MAGT1: variants seen among roughly 807,000 people sequenced by gnomAD.
MAGT1 encodes dolichyl-diphosphooligosaccharide--protein glycosyltransferase subunit MAGT1.
A neutral mutation model predicts 28.4 loss-of-function variants in MAGT1; 4 were observed. That is an observed-to-expected ratio of 0.14 (90% CI 0.07 to 0.32). The LOEUF (loss-of-function observed/expected upper bound fraction) is 0.32. Among genes scored for constraint, MAGT1 ranks in the 10% least tolerant of loss-of-function variants. The pLI, the probability that MAGT1 is intolerant of heterozygous loss-of-function variation, is 1.00. For missense variants in MAGT1, 193 were observed against 264.5 expected (o/e 0.73, Z 1.88); for synonymous variants, 89 against 89.7 (o/e 0.99, Z 0.04).
intron 6 of MAGT1, 55 bp from the exon 7 acceptor site, chrX:77,854,019 T>C: frequency 1.1e-6 from 1 of 911,068 alleles, no homozygotes; most frequent in South Asian, 2.0e-5. Flanking sequence ...AATGTTGGTA[T>C]GCTAACCCTA....
chrX:77,846,639 T>C (rs1311035342), intron 7 of MAGT1, among the ~76,000 whole-genome samples: 1 of 112,399 alleles, frequency 8.9e-6, no homozygotes, highest in African/African-American at 3.2e-5. Context: ...GTTTGTTAGT[T>C]TTCCTTCTAA....
At chrX:77,843,220 T>C (rs1370052448) in intron 7 of MAGT1, among the ~76,000 whole-genome samples, 2 of 111,877 alleles carry the variant, frequency 1.8e-5, no homozygotes, top group Non-Finnish European at 3.8e-5. Flanking sequence ...CATCTTGCAT[T>C]CTTTTTTAAA....
Position 77,875,614 on chromosome X carries a change from G to A in MAGT1, c.103-17C>T, listed in dbSNP as rs782234408. On this transcript the variant is annotated splice_polypyrimidine_tract_variant and intron_variant, in intron 1 of 9. Coordinates refer to ENST00000618282, the MANE Select transcript of MAGT1 (RefSeq NM_001367916.1). ...TAACACCATCTAAAAAAGACAAAGT[G>A]AGCATGCTATTAATATACTCAACTT... The A allele has an allele frequency of 3.8e-4, 451 of 1,196,632 alleles. 1 individual carries two copies. Among genetic ancestry groups the A allele is most frequent in the Non-Finnish European group, 3.3e-4 (295 of 886,628 alleles).
chrX:77,872,473 T>C (rs997050278), intron 2 of MAGT1, among the ~76,000 whole-genome samples: 1 of 112,345 alleles, frequency 8.9e-6, no homozygotes, highest in Admixed American at 9.6e-5. Flanking sequence ...TCACTAGTTA[T>C]TGAAGGTTCT....
chrX:77,866,922 C>T (rs2077009889), intron 3 of MAGT1, among the ~76,000 whole-genome samples: 1 of 65,317 alleles, frequency 1.5e-5, no homozygotes, highest in African/African-American at 3.6e-5. Context: ...CTCATCTGAT[C>T]TTGTGGCCCC....
Position 77,895,372 on chromosome X carries a change from G to C in MAGT1, c.39C>G (p.Thr13=). 8.2e-7 allele frequency: 1 copy of C among 1,212,185 alleles called. No homozygotes were observed. The highest frequency in any genetic ancestry group is 1.1e-6 in the Non-Finnish European group (1 of 895,594). ...AAACGATGAGCAGCGCCACCACCAT[G>C]GTCACAGAGACACACCAAAACCGCC... ...ARWRFWCVSV[T]MVVALLIVCD... The change falls in exon 1 of 10, where the codon ACC becomes ACG. Residue 13 remains threonine, a synonymous_variant. Coordinates refer to ENST00000618282, the MANE Select transcript of MAGT1 (RefSeq NM_001367916.1).
At chrX:77,865,882 G>T (rs1002010332) in intron 3 of MAGT1, among the ~76,000 whole-genome samples, 1 of 105,687 alleles carries the variant, frequency 9.5e-6, no homozygotes, top group Non-Finnish European at 2.0e-5. Flanking sequence ...CAGGCCAGGC[G>T]TGGTGTCTCA....
At chrX:77,895,263 C>T in intron 1 of MAGT1, 46 bp downstream of exon 1, 2 of 1,187,229 alleles carry the variant, frequency 1.7e-6, no homozygotes, top group Non-Finnish European at 2.3e-6. Context: ...CCTCTTAAGC[C>T]CCAGTCATTG....
intron 7 of MAGT1, among the ~76,000 whole-genome samples, chrX:77,852,413 T>G (rs948898927): frequency 8.9e-6 from 1 of 111,833 alleles, no homozygotes; most frequent in African/African-American, 3.2e-5. Context: ...ATGCTTTCCT[T>G]AAAATCTCTC....
At chrX:77,895,482 A>T, upstream of MAGT1, 1 of 1,179,593 alleles carries the variant, frequency 8.5e-7, no homozygotes, top group Non-Finnish European at 1.1e-6. Context: ...GAGAACAGGC[A>T]AATCGGCCCC....
At chrX:77,884,454 T>C (rs965736153) in intron 1 of MAGT1, among the ~76,000 whole-genome samples, 6 of 111,171 alleles carry the variant, frequency 5.4e-5, no homozygotes, top group African/African-American at 2.0e-4. Flanking sequence ...CTTTTTACAT[T>C]TGCTTATCTG....
At chrX:77,851,082 T>C (rs1341424044) in intron 7 of MAGT1, among the ~76,000 whole-genome samples, 2 of 108,827 alleles carry the variant, frequency 1.8e-5, no homozygotes, top group African/African-American at 3.3e-5. Flanking sequence ...GCAATTCTCA[T>C]GCCTCAGCCT....
At chrX:77,844,164 G>T (rs1557214665) in intron 7 of MAGT1, among the ~76,000 whole-genome samples, 3 of 111,272 alleles carry the variant, frequency 2.7e-5, no homozygotes. Context: ...ACTTCTTCCT[G>T]GTTTAGACAT....
intron 7 of MAGT1, among the ~76,000 whole-genome samples, chrX:77,849,628 T>G (rs1177920622): frequency 9.0e-6 from 1 of 110,524 alleles, no homozygotes; most frequent in Non-Finnish European, 1.9e-5. Flanking sequence ...CCTTACACTT[T>G]GGGAGGCCGA....
rs1569548189 is a variant in MAGT1 at position 77,875,446 on chromosome X, C to T, written c.254G>A (p.Arg85Lys). The T allele has an allele frequency of 1.1e-5, 13 of 1,208,481 alleles. No individual in the cohort carries two copies. Among genetic ancestry groups the T allele is most frequent in the East Asian group, 3.0e-5 (1 of 33,747 alleles). ...TTCATACTTGCAAACGACACACTGT[C>T]TATGCAGTTGGAGAGCAGTGAACAT... The part of the protein sequence containing the change: ...IVMFTALQLH[R>K]QCVVCKQADE... The change falls in exon 2 of 10, where the codon AGA (arginine) becomes AAA (lysine). Residue 85 changes from arginine (R) to lysine (K), a missense_variant. By Grantham distance (26) the Arg-to-Lys change is conservative (BLOSUM62 2). Coordinates refer to ENST00000618282, the MANE Select transcript of MAGT1 (RefSeq NM_001367916.1).
chrX:77,835,783 T>A (rs2076915776), intron 8 of MAGT1, among the ~76,000 whole-genome samples: 1 of 111,046 alleles, frequency 9.0e-6, no homozygotes, highest in Non-Finnish European at 1.9e-5. Context: ...TCCTGTCACT[T>A]GCAACAACAT....
intron 1 of MAGT1, among the ~76,000 whole-genome samples, chrX:77,883,540 C>T (rs1398819995): frequency 9.5e-6 from 1 of 104,869 alleles, no homozygotes; most frequent in African/African-American, 3.5e-5. Flanking sequence ...AGATTACTTC[C>T]TGAATTCATT....
At position 77,875,508 on chromosome X, in the gene MAGT1, A is replaced by G. The variant is rs189513206; in HGVS notation, c.192T>C (p.Leu64=). The G allele has an allele frequency of 7.6e-5, 91 of 1,203,244 alleles. 1 individual carries two copies. The East Asian group carries it at 1.3e-3, about 18-fold the overall frequency. The change falls in exon 2 of 10, where the codon CTT becomes CTC. Residue 64 remains leucine, a synonymous_variant. Transcript: ENST00000618282. ...AGTAATTTCTCGGTGGGGCTTTCAC[A>G]AGGCGACGGAACTTGTCTCCATTCA... The part of the protein sequence containing the change: ...IRMNGDKFRR[L]VKAPPRNYSV...
intron 1 of MAGT1, among the ~76,000 whole-genome samples, chrX:77,882,321 G>C (rs1008290441): frequency 1.2e-4 from 13 of 111,607 alleles, no homozygotes; most frequent in African/African-American, 4.2e-4. Flanking sequence ...GAGAAAGAAA[G>C]AAAGGGTATT....
Sources: gnomAD v4.1 joint callset for allele counts (sites outside exome capture counted in the v4.1 genomes callset) on GRCh38, gnomAD v4.1.1 for gene constraint, MANE v1.5 for transcripts, NCBI Gene and HGNC (gene_info 2026-07-23, HGNC 2026-07-21) for gene names.